The following ABTB3 variants were observed in gnomAD, a reference collection of about 807,000 sequenced individuals.
ABTB3 encodes ankyrin repeat- and BTB/POZ domain-containing protein 3.
At chr12:107,543,256 T>C in the ABTB3 span, among the ~76,000 whole-genome samples, 3 of 148,638 alleles carry the variant, frequency 2.0e-5, no homozygotes, top group South Asian at 2.1e-4. Flanking sequence ...GGAGAATCGA[T>C]TGAACCCGGA....
chr12:107,326,269 T>C, the ABTB3 span, among the ~76,000 whole-genome samples: 1 of 152,222 alleles, frequency 6.6e-6, no homozygotes, highest in Admixed American at 6.5e-5. Flanking sequence ...AATTCATTTC[T>C]TATACACTTA....
At chr12:107,371,167 G>A in the ABTB3 span, among the ~76,000 whole-genome samples, 2 of 152,158 alleles carry the variant, frequency 1.3e-5, no homozygotes, top group South Asian at 2.1e-4. Flanking sequence ...GCTTGATTCC[G>A]GCTTGAGTAG....
the ABTB3 span, among the ~76,000 whole-genome samples, chr12:107,535,478 G>A: frequency 6.6e-6 from 1 of 152,060 alleles, no homozygotes; most frequent in African/African-American, 2.4e-5. Context: ...AAGTAAAATG[G>A]TCCCTCTTTG....
the ABTB3 span, chr12:107,320,067 A>G: frequency 1.3e-6 from 2 of 1,491,178 alleles, no homozygotes; most frequent in East Asian, 2.6e-5. Context: ...TGCGGGAAGA[A>G]CGCCAGCGGT....
At chr12:107,644,819 AACATGGATGCAGT>A in the ABTB3 span, among the ~76,000 whole-genome samples, 1 of 152,114 alleles carries the variant, frequency 6.6e-6, no homozygotes, top group Non-Finnish European at 1.5e-5. Context: ...TATAAGTGAG[AACATGGATGCAGT>A]ACATGGATGA....
chr12:107,421,646 T>G, the ABTB3 span, among the ~76,000 whole-genome samples: 1 of 152,238 alleles, frequency 6.6e-6, no homozygotes. Context: ...GTCCACTTTA[T>G]TTCTTCTCTG....
At chr12:107,382,758 T>C in the ABTB3 span, among the ~76,000 whole-genome samples, 1 of 151,832 alleles carries the variant, frequency 6.6e-6, no homozygotes, top group East Asian at 1.9e-4. Context: ...TGGGGCCTGT[T>C]GTGGGGTGGA....
chr12:107,441,643 A>T, the ABTB3 span, among the ~76,000 whole-genome samples: 1 of 152,002 alleles, frequency 6.6e-6, no homozygotes, highest in Non-Finnish European at 1.5e-5. Flanking sequence ...TAAAAAAAAA[A>T]GTTACCTGGG....
the ABTB3 span, among the ~76,000 whole-genome samples, chr12:107,350,815 T>C: frequency 2.1e-4 from 32 of 152,224 alleles, no homozygotes; most frequent in African/African-American, 7.7e-4. Context: ...ACAGCATTAC[T>C]GAAGGGTCTC....
At chr12:107,570,842 A>T in the ABTB3 span, among the ~76,000 whole-genome samples, 1 of 152,076 alleles carries the variant, frequency 6.6e-6, no homozygotes, top group Non-Finnish European at 1.5e-5. Context: ...CCCCAGTCAC[A>T]ACAAGCTGAG....
the ABTB3 span, among the ~76,000 whole-genome samples, chr12:107,540,781 C>T: frequency 7.9e-5 from 12 of 151,834 alleles, no homozygotes; most frequent in Non-Finnish European, 1.3e-4. Context: ...GCCAGAAGTT[C>T]GAGACCAGGC....
the ABTB3 span, among the ~76,000 whole-genome samples, chr12:107,495,610 C>T: frequency 6.6e-6 from 1 of 152,204 alleles, no homozygotes; most frequent in Non-Finnish European, 1.5e-5. Flanking sequence ...ACAGCCAAAC[C>T]CCACAAACAC....
the ABTB3 span, among the ~76,000 whole-genome samples, chr12:107,404,071 G>A: frequency 6.8e-6 from 1 of 146,274 alleles, no homozygotes; most frequent in African/African-American, 2.5e-5. Flanking sequence ...GCTGAGGCAG[G>A]AGAATTGCTT....
the ABTB3 span, among the ~76,000 whole-genome samples, chr12:107,577,417 C>G: frequency 6.6e-6 from 1 of 152,104 alleles, no homozygotes; most frequent in African/African-American, 2.4e-5. Flanking sequence ...AACATTCTTT[C>G]TAGTACCCAG....
chr12:107,512,133 A>G, the ABTB3 span, among the ~76,000 whole-genome samples: 1 of 152,156 alleles, frequency 6.6e-6, no homozygotes, highest in South Asian at 2.1e-4. Context: ...GATCCCCTAA[A>G]TCCCCCCAAA....
the ABTB3 span, among the ~76,000 whole-genome samples, chr12:107,540,256 C>T: frequency 1.3e-5 from 2 of 152,186 alleles, no homozygotes; most frequent in African/African-American, 4.8e-5. Context: ...GCCATATCCT[C>T]ATATGGCAGG....
At chr12:107,502,449 G>A in the ABTB3 span, among the ~76,000 whole-genome samples, 9 of 152,088 alleles carry the variant, frequency 5.9e-5, no homozygotes, top group South Asian at 2.1e-4. Context: ...CACCACCAGC[G>A]TGAAAGATGG....
the ABTB3 span, among the ~76,000 whole-genome samples, chr12:107,467,816 G>T: frequency 1.3e-5 from 2 of 152,160 alleles, no homozygotes; most frequent in Non-Finnish European, 2.9e-5. Flanking sequence ...CCCTCCTTTT[G>T]TTTACTAAGA....
At chr12:107,622,077 C>T in the ABTB3 span, among the ~76,000 whole-genome samples, 1 of 145,366 alleles carries the variant, frequency 6.9e-6, no homozygotes, top group Non-Finnish European at 1.5e-5. Flanking sequence ...TCCACCTCTA[C>T]AAGAAATACA....
Sources: gnomAD v4.1 joint callset for allele counts (sites outside exome capture counted in the v4.1 genomes callset) on GRCh38, gnomAD v4.1.1 for gene constraint, MANE v1.5 for transcripts, NCBI Gene and HGNC (gene_info 2026-07-23, HGNC 2026-07-21) for gene names.